The following AP2A1 variants were observed in gnomAD, a reference collection of about 807,000 sequenced individuals.
AP2A1 encodes adaptor related protein complex 2 subunit alpha 1.
In AP2A1, 21 loss-of-function variants were observed where a neutral mutation model predicts 107.3. The observed-to-expected ratio is 0.20, with a 90% CI of 0.14 to 0.28. The LOEUF (loss-of-function observed/expected upper bound fraction) is 0.28, where lower values mean the gene tolerates loss of function less well. AP2A1 is among the 10% of genes least tolerant of loss of function. AP2A1 has a pLI of 1.00. For synonymous variants in AP2A1, 602 were observed against 564.8 expected, an observed-to-expected ratio of 1.07 and a Z score of -0.93; for missense variants, 873 against 1,307.7, an observed-to-expected ratio of 0.67 and a Z score of 5.13.
At position 49,795,612 on chromosome 19, in the gene AP2A1, C is replaced by A; in HGVS notation, c.706-18C>A. Reference sequence around the variant, plus strand: ...TCCCACCCCAGCCCCCAACTTATTTCTTGCTCTTCCCCGCCAGATCGTCTC... The same window carrying A: ...TCCCACCCCAGCCCCCAACTTATTTATTGCTCTTCCCCGCCAGATCGTCTC... On this transcript the variant is annotated intron_variant, in intron 6 of 22. Coordinates refer to ENST00000354293, the MANE Select transcript of AP2A1 (RefSeq NM_130787.3). 7.9e-6 allele frequency: 3 copies of A among 377,520 alleles called. No homozygotes were observed. The highest frequency in any genetic ancestry group is 9.7e-6 in the Non-Finnish European group (2 of 206,992). 23.4% of individuals were successfully genotyped at this position (377,520 alleles called of 1,614,324 possible).
intron 6 of AP2A1, 32 bp from the exon 7 acceptor site, chr19:49,795,598 C>CCA: frequency 9.2e-7 from 1 of 1,087,410 alleles, no homozygotes; most frequent in Non-Finnish European, 1.4e-6. Flanking sequence ...CCCACCCCAG[C>CCA]CCCCAACTTA....
chr19:49,795,500 A>T, intron 6 of AP2A1, 130 bp from the exon 7 acceptor site: 1 of 655,692 alleles, frequency 1.5e-6, no homozygotes, highest in South Asian at 1.8e-5. Context: ...CTACAAAAAA[A>T]ACCCACTAAC....
Position 49,767,076 on chromosome 19 carries a change from C to T in AP2A1, c.-58C>T. The T allele has an allele frequency of 1.3e-6, 2 of 1,561,352 alleles. No individual in the cohort carries two copies. Among genetic ancestry groups the T allele is most frequent in the African/African-American group, 1.4e-5 (1 of 72,098 alleles). On this transcript the variant is annotated 5_prime_UTR_variant, in exon 1 of 23. Transcript: ENST00000354293. Reference sequence around the variant, plus strand: ...TCCTTTCCGCCCGGTCCCCGCTTGCCAGCCCCCGCTGCTCTGTGCCCTGTC... The same window carrying T: ...TCCTTTCCGCCCGGTCCCCGCTTGCTAGCCCCCGCTGCTCTGTGCCCTGTC...
rs1252836069 is a variant in AP2A1 at position 49,771,945 on chromosome 19, T to C, written c.67+4745T>C. Among the ~76,000 whole-genome samples, 5 of 152,100 alleles carry C rather than the reference T, an allele frequency of 3.3e-5. No individual in the cohort carries two copies. In the East Asian group the frequency reaches 9.7e-4, roughly 29 times the overall value. ...CGGGGCAAGTGCAAAGGTCCTGACT[T>C]CCGGACGCCATGGCGGGCATCTCTA... On this transcript the variant is annotated intron_variant, in intron 1 of 22. Coordinates refer to ENST00000354293, the MANE Select transcript of AP2A1 (RefSeq NM_130787.3).
intron 1 of AP2A1, among the ~76,000 whole-genome samples, chr19:49,775,418 G>C (rs756466557): frequency 1.3e-5 from 2 of 152,090 alleles, no homozygotes; most frequent in East Asian, 3.9e-4. Context: ...AGGTTCAAGC[G>C]ATTCTCCTGC....
chr19:49,771,442 T>C (rs1404346190), intron 1 of AP2A1, among the ~76,000 whole-genome samples: 2 of 113,300 alleles, frequency 1.8e-5, no homozygotes, highest in African/African-American at 3.0e-5. Flanking sequence ...TTGTATCTCT[T>C]TTTTTTTGTG....
At chr19:49,803,717 C>T (rs1233031901) in intron 18 of AP2A1, 5 of 382,374 alleles carry the variant, frequency 1.3e-5, no homozygotes, top group Non-Finnish European at 2.5e-5. Flanking sequence ...GCCAGGCCTG[C>T]GGGTCCAGAC....
Position 49,806,109 on chromosome 19 carries a change from C to T in AP2A1, c.2656-10C>T, listed in dbSNP as rs1420429832. The T allele has an allele frequency of 5.1e-6, 8 of 1,565,920 alleles. No individual in the cohort carries two copies. Among genetic ancestry groups the T allele is most frequent in the Non-Finnish European group, 6.9e-6 (8 of 1,154,812 alleles). On this transcript the variant is annotated splice_polypyrimidine_tract_variant and intron_variant, in intron 21 of 22. Transcript: ENST00000354293. ...CTGGCACACTCTGACGGCGCCCCCC[C>T]TCCTCCCAGCTTCTGGGGTTTGGCT... is the stretch of plus-strand genomic sequence containing the variant.
rs542396516 is a variant in AP2A1 at position 49,793,058 on chromosome 19, C to T, written c.671C>T (p.Thr224Met). Residue 224 changes from threonine to methionine, a missense_variant, in exon 6 of 23, where the codon ACG becomes ATG. Physicochemically the swap from Thr to Met is moderately conservative, Grantham distance 81. This residue lies in a region of AP2A1 where 157 missense variants were observed against 212.6 expected (regional missense o/e 0.74). Transcript: ENST00000354293. Reference protein sequence around the residue: ...LCKKNPDDFKTCVSLAVSRLS... With the variant: ...LCKKNPDDFKMCVSLAVSRLS... ...AAGAAGAACCCAGATGACTTCAAGA[C>T]GTGCGTCTCTCTGGCTGTGTCGCGC... is the stretch of plus-strand genomic sequence containing the variant. The T allele has an allele frequency of 9.3e-6, 15 of 1,610,250 alleles. No individual in the cohort carries two copies. The Admixed American group carries it at 1.2e-4, about 13-fold the overall frequency.
chr19:49,802,250 C>T (rs2123755259), intron 15 of AP2A1, 109 bp downstream of exon 15: 1 of 941,800 alleles, frequency 1.1e-6, no homozygotes. Context: ...CGACTCGCTC[C>T]TCTCTCCATC....
At chr19:49,782,370 C>T (rs1484836942) in intron 3 of AP2A1, among the ~76,000 whole-genome samples, 161 bp from the exon 4 acceptor site, 1 of 140,590 alleles carries the variant, frequency 7.1e-6, no homozygotes, top group Non-Finnish European at 1.6e-5. Flanking sequence ...GGAGGAGGGG[C>T]CTGGGGGCCT....
intron 5 of AP2A1, 124 bp downstream of exon 5, chr19:49,792,188 C>A (rs1343832916): frequency 5.1e-6 from 5 of 983,090 alleles, no homozygotes; most frequent in Non-Finnish European, 7.3e-6. Context: ...CCCACCTCAG[C>A]CCACGCACCC....
At chr19:49,778,566 A>T (rs1005976483) in intron 1 of AP2A1, among the ~76,000 whole-genome samples, 3 of 152,046 alleles carry the variant, frequency 2.0e-5, no homozygotes, top group Non-Finnish European at 2.9e-5. Flanking sequence ...CTGGGCGACA[A>T]GAGTGAAACT....
intron 5 of AP2A1, among the ~76,000 whole-genome samples, chr19:49,792,659 C>T (rs1490153672): frequency 1.3e-5 from 2 of 152,210 alleles, no homozygotes; most frequent in East Asian, 1.9e-4. Context: ...CCCCCAACAG[C>T]GCCCATCACC....
chr19:49,787,728 T>C (rs1181794745), intron 4 of AP2A1, among the ~76,000 whole-genome samples: 1 of 152,204 alleles, frequency 6.6e-6, no homozygotes, highest in African/African-American at 2.4e-5. Context: ...ACCACCTAAT[T>C]GCAGAACACT....
At chr19:49,803,027 G>C in intron 16 of AP2A1, 22 bp downstream of exon 16, 1 of 1,613,762 alleles carries the variant, frequency 6.2e-7, no homozygotes, top group Non-Finnish European at 8.5e-7. Flanking sequence ...GAGTGGTGGG[G>C]GAGGGGAACG....
At position 49,806,002 on chromosome 19, in the gene AP2A1, T is replaced by C. The variant is rs2073372937; in HGVS notation, c.2655+61T>C. ...TGCTTTGCTTCTCTGAGCCTCTGTT[T>C]TCCCATCTGTAAAGTGGGGCCAATT... is the stretch of plus-strand genomic sequence containing the variant. On this transcript the variant is annotated intron_variant, in intron 21 of 22. Coordinates refer to ENST00000354293, the MANE Select transcript of AP2A1 (RefSeq NM_130787.3). 7 of 1,612,964 alleles carry C rather than the reference T, an allele frequency of 4.3e-6. No homozygotes were observed. In the African/African-American group the frequency reaches 6.7e-5, roughly 15 times the overall value.
chr19:49,778,264 C>T (rs895943893), intron 1 of AP2A1, among the ~76,000 whole-genome samples: 5 of 152,244 alleles, frequency 3.3e-5, no homozygotes, highest in East Asian at 3.9e-4. Flanking sequence ...GGCTCTGTGG[C>T]GCAGCTTGTT....
chr19:49,805,830 C>T (rs1189951301), intron 20 of AP2A1, 42 bp from the exon 21 acceptor site: 28 of 834,276 alleles, frequency 3.4e-5, no homozygotes, highest in Non-Finnish European at 4.8e-5. Context: ...GTGGGCGGGT[C>T]GGGCCGTCCA....
Sources: allele counts gnomAD v4.1 joint callset (sites outside exome capture counted in the v4.1 genomes callset), GRCh38; gene constraint gnomAD v4.1.1; regional missense constraint gnomAD v4.1.1; transcripts MANE v1.5; gene names NCBI Gene and HGNC (gene_info 2026-07-23, HGNC 2026-07-21).